The following SEC14L1 variants were observed in gnomAD, a reference collection of about 807,000 sequenced individuals.
SEC14L1 encodes the protein SEC14 like lipid binding 1.
In SEC14L1, 48 loss-of-function variants were observed where a neutral mutation model predicts 85.3. The ratio of observed to expected loss-of-function variants is 0.56; its 90% CI spans 0.45 to 0.72. The LOEUF (loss-of-function observed/expected upper bound fraction) is 0.72. Ranked by LOEUF, SEC14L1 falls within the 30% of genes least tolerant of loss-of-function variation. The pLI is 0.00. For synonymous variants in SEC14L1, 391 were observed against 355.5 expected (o/e 1.10, Z -1.12); for missense variants, 682 against 921.4 (o/e 0.74, Z 3.36).
At chr17:77,097,815 G>C (rs1375899695) in intron 3 of SEC14L1, among the ~76,000 whole-genome samples, 1 of 152,148 alleles carries the variant, frequency 6.6e-6, no homozygotes. Context: ...TATATCCCAG[G>C]ATAGGGGAGA....
intron 3 of SEC14L1, among the ~76,000 whole-genome samples, chr17:77,174,451 C>T (rs1247491296): frequency 6.6e-6 from 1 of 152,184 alleles, no homozygotes; most frequent in African/African-American, 2.4e-5. Flanking sequence ...GCGTCTCATT[C>T]ACACACTTTC....
chr17:77,174,474 G>A (rs919026679), intron 3 of SEC14L1, among the ~76,000 whole-genome samples: 4 of 152,182 alleles, frequency 2.6e-5, no homozygotes, highest in African/African-American at 9.7e-5. Flanking sequence ...CCTCCAGGAT[G>A]TCCTGACCAC....
upstream of SEC14L1, among the ~76,000 whole-genome samples, chr17:77,139,721 A>T (rs1264829545): frequency 6.6e-6 from 1 of 151,026 alleles, no homozygotes; most frequent in Non-Finnish European, 1.5e-5. Context: ...GATGGTCTCG[A>T]TCTCCTGACC....
rs550301418 is a variant in SEC14L1, at chr17:77,161,980, A to G, written c.63+18321A>G. The stretch of plus-strand genomic sequence containing the variant: ...CCCTTGTGTTGAGGGCTGACTTTCA[A>G]TAGATCGCAGTGAGGGAGGTGCTCT... On this transcript the variant is annotated intron_variant, in intron 3 of 16. Transcript: ENST00000436233. Among the ~76,000 whole-genome samples the G allele has an allele frequency of 3.4e-5, 5 of 147,842 alleles. No individual in the cohort carries two copies. In the East Asian group the frequency reaches 7.9e-4, roughly 24 times the overall value.
chr17:77,177,352 T>C (rs1476607858), intron 3 of SEC14L1, among the ~76,000 whole-genome samples: 1 of 150,330 alleles, frequency 6.7e-6, no homozygotes, highest in African/African-American at 2.5e-5. Context: ...ATTTTTCTAA[T>C]TTAAATTTAA....
chr17:77,128,459 TG>T lies in SEC14L1; in HGVS notation c.-135-14186del, dbSNP rs1198829018. ...TATTTTATTTTATTTTATTTTATTA[TG>T]TTTTTTTTTTTTTTCTGAGACATAG... On this transcript the variant is annotated intron_variant, in intron 3 of 19. Transcript: ENST00000392476. Among the ~76,000 whole-genome samples the T allele has an allele frequency of 4.4e-5, 6 of 136,000 alleles. No homozygotes were observed. The South Asian group carries it at 6.9e-4, about 16-fold the overall frequency. 89.2% of individuals were successfully genotyped at this position (136,000 alleles called of 152,430 possible).
At chr17:77,204,317 G>A (rs1360979205) in intron 10 of SEC14L1, among the ~76,000 whole-genome samples, 1 of 151,778 alleles carries the variant, frequency 6.6e-6, no homozygotes. Flanking sequence ...TCCCAGGTTC[G>A]AGTGATTCTC....
chr17:77,207,609 C>T (rs1354510453), intron 13 of SEC14L1, among the ~76,000 whole-genome samples: 1 of 152,000 alleles, frequency 6.6e-6, no homozygotes, highest in Non-Finnish European at 1.5e-5. Flanking sequence ...GCGCCACTAC[C>T]CACAGCTAAT....
At chr17:77,122,914 C>T (rs1281155177) in intron 3 of SEC14L1, among the ~76,000 whole-genome samples, 1 of 140,698 alleles carries the variant, frequency 7.1e-6, no homozygotes, top group Non-Finnish European at 1.5e-5. Flanking sequence ...GAGAATCACA[C>T]AGCATCCAGA....
At chr17:77,133,204 G>A (rs550184552) in intron 3 of SEC14L1, among the ~76,000 whole-genome samples, 1 of 151,880 alleles carries the variant, frequency 6.6e-6, no homozygotes, top group Admixed American at 6.5e-5. Context: ...TTCCCATGCT[G>A]CTTTTGTTAT....
intron 7 of SEC14L1, 33 bp from the exon 8 acceptor site, chr17:77,196,169 C>T (rs1975798244): frequency 6.5e-7 from 1 of 1,542,328 alleles, no homozygotes; most frequent in Non-Finnish European, 9.0e-7. Flanking sequence ...CTCCAGTGTT[C>T]TTTGTTGTAA....
chr17:77,117,615 A>G (rs530310628), intron 3 of SEC14L1, among the ~76,000 whole-genome samples: 5 of 152,138 alleles, frequency 3.3e-5, no homozygotes, highest in African/African-American at 4.8e-5. Flanking sequence ...GCCTGTCACC[A>G]ATGAATTGCT....
intron 9 of SEC14L1, among the ~76,000 whole-genome samples, chr17:77,201,629 T>G (rs1353413396): frequency 6.6e-6 from 1 of 152,020 alleles, no homozygotes. Context: ...TTTTGTATTT[T>G]TAGTAGAGAT....
At chr17:77,094,096 T>C (rs1438609277) in intron 3 of SEC14L1, 1 of 152,208 alleles carries the variant, frequency 6.6e-6, no homozygotes, top group African/African-American at 2.4e-5. Flanking sequence ...CAGGCTGGAG[T>C]GCGGTGGTGT....
chr17:77,113,172 A>G (rs562140468), intron 3 of SEC14L1, among the ~76,000 whole-genome samples: 1 of 152,334 alleles, frequency 6.6e-6, no homozygotes, highest in Non-Finnish European at 1.5e-5. Context: ...AAACAAAAAA[A>G]AGAAAGAAAA....
chr17:77,100,268 G>A (rs1344025678), intron 3 of SEC14L1, among the ~76,000 whole-genome samples: 1 of 152,196 alleles, frequency 6.6e-6, no homozygotes, highest in African/African-American at 2.4e-5. Flanking sequence ...CGAGCACTGT[G>A]GTCATCTGTA....
chr17:77,213,873 T>TGGCAGGGTGGTC lies in SEC14L1; in HGVS notation c.2043-44_2043-33dup, dbSNP rs1263852813. ...CAGGCAGTGTGGGCCGGCGGGTGGT[T>TGGCAGGGTGGTC]GGCAGGGTGGTCCTCACGCCTCGCC... On this transcript the variant is annotated intron_variant, in intron 16 of 16. Coordinates refer to ENST00000436233, the MANE Select transcript of SEC14L1 (RefSeq NM_001143998.2). This position sits in a 1 kb window ranked among gnomAD's most constrained non-coding sequence, Gnocchi z 7.1. 2 of 1,607,248 alleles carry TGGCAGGGTGGTC rather than the reference T, an allele frequency of 1.2e-6. No individual in the cohort carries two copies. Among genetic ancestry groups the TGGCAGGGTGGTC allele is most frequent in the South Asian group, 2.2e-5 (2 of 90,516 alleles).
intron 2 of SEC14L1, chr17:77,089,290 C>A (rs765568361): frequency 2.2e-6 from 1 of 447,064 alleles, no homozygotes; most frequent in Non-Finnish European, 4.5e-6. Context: ...AGCATGGTGA[C>A]AAAGTGTTCA....
chr17:77,205,076 A>C (rs1466953190), intron 10 of SEC14L1, 200 bp from the exon 11 acceptor site: 1 of 556,166 alleles, frequency 1.8e-6, no homozygotes, highest in Non-Finnish European at 3.2e-6. Context: ...GACAGTGTTT[A>C]TTCTCTTTCA....
Sources: allele counts gnomAD v4.1 joint callset (sites outside exome capture counted in the v4.1 genomes callset), GRCh38; gene constraint gnomAD v4.1.1; non-coding constraint Gnocchi (gnomAD v3.1); transcripts MANE v1.5; gene names NCBI Gene and HGNC (gene_info 2026-07-23, HGNC 2026-07-21).